Variants in WASHC2C observed in about 807,000 individuals in gnomAD.
The protein encoded by WASHC2C is WASH complex subunit 2C.
In WASHC2C, 73 loss-of-function variants were observed where a neutral mutation model predicts 142.2. The observed-to-expected ratio is 0.51, with a 90% CI of 0.43 to 0.62. The LOEUF is 0.62. WASHC2C is among the 20% of genes least tolerant of loss of function. The pLI is 0.00. For missense variants in WASHC2C, 969 were observed against 1,531.7 expected (o/e 0.63, Z 6.13); for synonymous variants, 337 against 565.5 (o/e 0.60, Z 5.73).
At chr10:45,758,557 T>G (rs2054620069) in intron 16 of WASHC2C, among the ~76,000 whole-genome samples, 1 of 152,038 alleles carries the variant, frequency 6.6e-6, no homozygotes, top group Non-Finnish European at 1.5e-5. Flanking sequence ...TTTGGGATCA[T>G]GTATTCATTC....
chr10:45,741,111 C>A (rs1273214759), intron 5 of WASHC2C, among the ~76,000 whole-genome samples: 6 of 151,980 alleles, frequency 3.9e-5, no homozygotes, highest in Non-Finnish European at 5.9e-5. Flanking sequence ...CCACACCCAG[C>A]TAATTTTTGT....
At chr10:45,769,312 G>A in intron 19 of WASHC2C, 137 bp from the exon 20 acceptor site, 3 of 1,392,648 alleles carry the variant, frequency 2.2e-6, no homozygotes, top group Non-Finnish European at 2.9e-6. Flanking sequence ...TAGAGATGGG[G>A]TTTCACCGTG....
At chr10:45,747,117 C>T (rs189597882) in intron 8 of WASHC2C, among the ~76,000 whole-genome samples, 283 of 152,302 alleles carry the variant, frequency 1.9e-3, no homozygotes, top group Admixed American at 3.7e-3. Flanking sequence ...TTTATGTTAA[C>T]ATTTTATAAA....
chr10:45,727,753 C>G (rs2050052007), intron 2 of WASHC2C, among the ~76,000 whole-genome samples: 1 of 152,080 alleles, frequency 6.6e-6, no homozygotes, highest in Non-Finnish European at 1.5e-5. Flanking sequence ...ACGCGACGTT[C>G]CCTTCATGGG....
chr10:45,788,612 GAACTGA>G (rs2135799682), intron 28 of WASHC2C, among the ~76,000 whole-genome samples: 1 of 152,278 alleles, frequency 6.6e-6, no homozygotes, highest in Non-Finnish European at 1.5e-5. Context: ...GTGTGAAACT[GAACTGA>G]AACTGCCCTG....
intron 19 of WASHC2C, among the ~76,000 whole-genome samples, chr10:45,768,256 GAA>G (rs1430592395): frequency 3.1e-5 from 4 of 128,718 alleles, no homozygotes; most frequent in African/African-American, 1.1e-4. Context: ...AAAAAAAAAA[GAA>G]AGAGAAGACC....
At chr10:45,742,551 A>G (rs1375950909) in intron 5 of WASHC2C, among the ~76,000 whole-genome samples, 2 of 152,224 alleles carry the variant, frequency 1.3e-5, no homozygotes, top group Admixed American at 6.5e-5. Flanking sequence ...CCTGACCTCA[A>G]GTGATCCATC....
At chr10:45,765,379 A>G (rs2055669998) in intron 18 of WASHC2C, among the ~76,000 whole-genome samples, 1 of 150,888 alleles carries the variant, frequency 6.6e-6, no homozygotes, top group Non-Finnish European at 1.5e-5. Context: ...GCACTTGCCC[A>G]CAGGGTGACT....
At chr10:45,741,287 C>T (rs1177687913) in intron 5 of WASHC2C, among the ~76,000 whole-genome samples, 1 of 152,166 alleles carries the variant, frequency 6.6e-6, no homozygotes, top group Non-Finnish European at 1.5e-5. Flanking sequence ...GCACATTTCT[C>T]TTCCAGTTTG....
chr10:45,759,830 A>G (rs187980581), intron 17 of WASHC2C, among the ~76,000 whole-genome samples: 4 of 152,036 alleles, frequency 2.6e-5, no homozygotes, highest in Non-Finnish European at 5.9e-5. Context: ...AAATAAATAA[A>G]TGAATAAAAA....
chr10:45,787,346 T>A, intron 28 of WASHC2C, 99 bp downstream of exon 28: 1 of 1,408,796 alleles, frequency 7.1e-7, no homozygotes, highest in African/African-American at 1.4e-5. Flanking sequence ...AGTCTTTGAC[T>A]CTCCTTTTGA....
chr10:45,749,449 T>TA lies in WASHC2C; in HGVS notation c.733-642dup, dbSNP rs2053260538. On this transcript the variant is annotated intron_variant, in intron 8 of 30. Transcript: ENST00000623400. ...AAACTCCTTCTCAAAAATAAATAAA[T>TA]AAAAATATTTCTCTAGTAACAGCCA... Among the ~76,000 whole-genome samples the TA allele has an allele frequency of 2.0e-5, 3 of 150,570 alleles. No individual in the cohort carries two copies. The South Asian group carries it at 6.3e-4, about 31-fold the overall frequency.
chr10:45,772,638 T>C (rs2056703382), intron 20 of WASHC2C, among the ~76,000 whole-genome samples: 1 of 152,066 alleles, frequency 6.6e-6, no homozygotes, highest in South Asian at 2.1e-4. Context: ...ATCACTTGAG[T>C]TCAGGAATTT....
Position 45,727,269 on chromosome 10 carries a change from C to T in WASHC2C, c.-49C>T, listed in dbSNP as rs1354389582. ...GGCTAGGCTTCCGGGGCTCTGCGGT[C>T]CTCGGCCTGTGCTGGCAGCCTCGGA... is the stretch of plus-strand genomic sequence containing the variant. On this transcript the variant is annotated 5_prime_UTR_variant, in exon 1 of 31. Coordinates refer to ENST00000623400, the MANE Select transcript of WASHC2C (RefSeq NM_001330074.2). 12 of 1,544,264 alleles carry T rather than the reference C, an allele frequency of 7.8e-6. No individual in the cohort carries two copies. The East Asian group carries it at 2.2e-4, about 28-fold the overall frequency.
chr10:45,784,780 T>G, intron 24 of WASHC2C, 41 bp from the exon 25 acceptor site: 2 of 1,596,286 alleles, frequency 1.3e-6, no homozygotes, highest in Non-Finnish European at 1.7e-6. Flanking sequence ...TTGTAAATTG[T>G]TTTGCTTTTG....
At position 45,752,643 on chromosome 10, in the gene WASHC2C, A is replaced by G. The variant is rs1554875309; in HGVS notation, c.1059A>G (p.Pro353=). The change falls in exon 12 of 31, where the codon CCA becomes CCG. Residue 353 remains proline, a synonymous_variant. Transcript: ENST00000623400. The stretch of plus-strand genomic sequence containing the variant: ...AGCTGACCGACGAGGACTTCTCGCC[A>G]TTTGGCTCTGGAGGTGGCCTGTTCA... The part of the protein sequence containing the change: ...PPKLTDEDFS[P]FGSGGGLFSG... 8 of 1,609,864 alleles carry G rather than the reference A, an allele frequency of 5.0e-6. No individual in the cohort carries two copies. The highest frequency in any genetic ancestry group is 1.7e-5 in the Admixed American group (1 of 59,934).
rs1282772807 is a variant in WASHC2C at position 45,732,023 on chromosome 10, C to T, written c.291+2997C>T. Among the ~76,000 whole-genome samples, 5 of 152,020 alleles carry T rather than the reference C, an allele frequency of 3.3e-5. No homozygotes were observed. The East Asian group carries it at 9.7e-4, about 29-fold the overall frequency. ...GTGTTAGCCAGGATGGTCTCGATCTCCTGACCTCATGATCCACCCGCCTTG... is the reference window on the plus strand; with the variant it reads ...GTGTTAGCCAGGATGGTCTCGATCTTCTGACCTCATGATCCACCCGCCTTG... On this transcript the variant is annotated intron_variant, in intron 3 of 30. Coordinates refer to ENST00000623400, the MANE Select transcript of WASHC2C (RefSeq NM_001330074.2).
At chr10:45,728,347 T>A (rs1389989722) in intron 2 of WASHC2C, among the ~76,000 whole-genome samples, 1 of 152,128 alleles carries the variant, frequency 6.6e-6, no homozygotes, top group Admixed American at 6.5e-5. Flanking sequence ...GGATTTTAAA[T>A]TTTTCCAGAA....
Position 45,792,517 on chromosome 10 carries a change from A to C in WASHC2C, c.*117A>C, listed in dbSNP as rs1398590238. The C allele has an allele frequency of 1.4e-6, 2 of 1,459,952 alleles. No individual in the cohort carries two copies. Among genetic ancestry groups the C allele is most frequent in the African/African-American group, 2.8e-5 (2 of 70,754 alleles). 90.4% of individuals were successfully genotyped at this position (1,459,952 alleles called of 1,614,324 possible). A position where few individuals can be genotyped will look rare whatever the true frequency, so the allele number is the denominator to read the frequency against. On this transcript the variant is annotated 3_prime_UTR_variant, in exon 31 of 31. Coordinates refer to ENST00000623400, the MANE Select transcript of WASHC2C (RefSeq NM_001330074.2). Reference sequence around the variant, plus strand: ...AAGCAAATACTAGAACAGCTAGCTCATCTTTTACCCAATGTACTTAGTATT... The same window carrying C: ...AAGCAAATACTAGAACAGCTAGCTCCTCTTTTACCCAATGTACTTAGTATT...
Sources: allele counts gnomAD v4.1 joint callset (sites outside exome capture counted in the v4.1 genomes callset), GRCh38; gene constraint gnomAD v4.1.1; transcripts MANE v1.5; gene names NCBI Gene and HGNC (gene_info 2026-07-23, HGNC 2026-07-21).